Variants in MTMR8 observed in about 807,000 individuals in gnomAD.
MTMR8 encodes the protein myotubularin related protein 8.
MTMR8 carries 65 observed loss-of-function variants against 39.3 expected under a neutral mutation model. The ratio of observed to expected loss-of-function variants is 1.65; its 90% confidence interval spans 1.35 to 2.03. The LOEUF is 2.03. MTMR8 is among the 30% of genes most tolerant of loss of function. The pLI is 0.00. For missense variants in MTMR8, 777 were observed against 538.9 expected, an observed-to-expected ratio of 1.44 and a Z score of -4.37; for synonymous variants, 245 against 185.2, an observed-to-expected ratio of 1.32 and a Z score of -2.62.
intron 12 of MTMR8, among the ~76,000 whole-genome samples, chrX:64,297,511 T>C (rs1158500145): frequency 9.3e-5 from 8 of 86,065 alleles, no homozygotes; most frequent in African/African-American, 3.0e-4. Flanking sequence ...GTTGCGAAAA[T>C]TTTCTCCCAT....
chrX:64,276,825 C>T (rs1057085835), intron 12 of MTMR8, among the ~76,000 whole-genome samples: 9 of 109,471 alleles, frequency 8.2e-5, no homozygotes, highest in African/African-American at 3.0e-4. Context: ...GTTCAAGTCT[C>T]ATTGATCTAA....
chrX:64,302,207 C>G (rs1921910021), intron 12 of MTMR8, among the ~76,000 whole-genome samples: 1 of 112,572 alleles, frequency 8.9e-6, no homozygotes, highest in African/African-American at 3.2e-5. Flanking sequence ...GCTGTGCTAG[C>G]AATCAGCGAG....
intron 4 of MTMR8, 28 bp downstream of exon 4, chrX:64,354,749 A>G: frequency 8.6e-7 from 1 of 1,156,828 alleles, no homozygotes; most frequent in Non-Finnish European, 1.2e-6. Context: ...TAAATGCACC[A>G]AAAGGCAAAC....
chrX:64,388,872 T>A (rs952868275), intron 1 of MTMR8, among the ~76,000 whole-genome samples: 1 of 112,180 alleles, frequency 8.9e-6, no homozygotes, highest in Admixed American at 9.4e-5. Flanking sequence ...TAATATATTT[T>A]ACCTTAGAAT....
intron 12 of MTMR8, among the ~76,000 whole-genome samples, chrX:64,309,280 A>T (rs1922222142): frequency 8.9e-6 from 1 of 111,888 alleles, no homozygotes; most frequent in Non-Finnish European, 1.9e-5. Context: ...TGATTTCATC[A>T]GATTTTTATA....
At chrX:64,292,220 C>G (rs1290361184) in intron 12 of MTMR8, among the ~76,000 whole-genome samples, 1 of 111,931 alleles carries the variant, frequency 8.9e-6, no homozygotes, top group Non-Finnish European at 1.9e-5. Context: ...GCTAGTAGTC[C>G]TCTGCTATCA....
chrX:64,374,976 C>A (rs1924227098), intron 1 of MTMR8, among the ~76,000 whole-genome samples: 1 of 106,764 alleles, frequency 9.4e-6, no homozygotes, highest in Non-Finnish European at 1.9e-5. Flanking sequence ...GAGAGGGCAA[C>A]CCTGCCAACA....
At chrX:64,283,784 T>A (rs1304784947) in intron 12 of MTMR8, among the ~76,000 whole-genome samples, 1 of 112,240 alleles carries the variant, frequency 8.9e-6, no homozygotes, top group African/African-American at 3.2e-5. Context: ...AAAGGAAAAC[T>A]AACAAACAGA....
At position 64,391,302 on chromosome X, in the gene MTMR8, T is replaced by C. The variant is rs542686314; in HGVS notation, c.24+4038A>G. On this transcript the variant is annotated intron_variant, in intron 1 of 13. Coordinates refer to ENST00000374852, the MANE Select transcript of MTMR8 (RefSeq NM_017677.4). ...ATTCCTTAATGAGCTAGCAATTATT[T>C]ATGTGAAGGAGAGTCCAGAAAACAG... 1.0e-3 allele frequency among the ~76,000 whole-genome samples: 113 copies of C among 112,281 alleles called. 2 individuals carry two copies. In the South Asian group the frequency reaches 0.04, roughly 40 times the overall value.
At chrX:64,354,683 T>A in intron 4 of MTMR8, 94 bp downstream of exon 4, 2 of 871,938 alleles carry the variant, frequency 2.3e-6, no homozygotes, top group East Asian at 6.4e-5. Flanking sequence ...AGAGAGATTA[T>A]GAGTCATTTC....
intron 1 of MTMR8, among the ~76,000 whole-genome samples, chrX:64,370,142 C>T (rs187327709): frequency 1.5e-3 from 169 of 110,786 alleles, no homozygotes; most frequent in Admixed American, 4.2e-3. Flanking sequence ...TTGAGGAGCA[C>T]ATTATGAACT....
chrX:64,333,822 G>T (rs759814335), intron 10 of MTMR8, among the ~76,000 whole-genome samples: 4 of 111,778 alleles, frequency 3.6e-5, no homozygotes, highest in Non-Finnish European at 7.5e-5. Flanking sequence ...TATTGCCAAA[G>T]TCGATTCTTG....
intron 1 of MTMR8, among the ~76,000 whole-genome samples, chrX:64,369,593 A>C (rs1192593519): frequency 9.1e-6 from 1 of 110,217 alleles, no homozygotes; most frequent in Non-Finnish European, 1.9e-5. Context: ...TGCAGTGAGC[A>C]TCACACATGG....
chrX:64,364,655 A>G (rs1300876804), intron 1 of MTMR8, among the ~76,000 whole-genome samples: 1 of 112,029 alleles, frequency 8.9e-6, no homozygotes, highest in African/African-American at 3.2e-5. Context: ...AAAGATGGGG[A>G]GAAACCAGAG....
intron 12 of MTMR8, among the ~76,000 whole-genome samples, chrX:64,299,359 A>T (rs1182203292): frequency 2.0e-5 from 2 of 100,026 alleles, no homozygotes; most frequent in Non-Finnish European, 4.0e-5. Context: ...TTTCTAGTTT[A>T]TTTGCGTAGA....
At chrX:64,378,583 A>C (rs1924332461) in intron 1 of MTMR8, among the ~76,000 whole-genome samples, 1 of 112,173 alleles carries the variant, frequency 8.9e-6, no homozygotes, top group Non-Finnish European at 1.9e-5. Flanking sequence ...TGCAAGAAAA[A>C]TGTTTTTAAA....
At chrX:64,371,109 G>A (rs947716802) in intron 1 of MTMR8, among the ~76,000 whole-genome samples, 2 of 112,045 alleles carry the variant, frequency 1.8e-5, no homozygotes, top group African/African-American at 6.5e-5. Flanking sequence ...ATTGCACCAT[G>A]ACACTCCACA....
intron 1 of MTMR8, among the ~76,000 whole-genome samples, chrX:64,388,883 C>A (rs984680079): frequency 8.9e-6 from 1 of 111,902 alleles, no homozygotes; most frequent in African/African-American, 3.2e-5. Flanking sequence ...ACCTTAGAAT[C>A]ATTTTTTTAA....
intron 12 of MTMR8, among the ~76,000 whole-genome samples, chrX:64,280,056 A>C (rs1931968226): frequency 8.9e-6 from 1 of 112,294 alleles, no homozygotes; most frequent in African/African-American, 3.2e-5. Flanking sequence ...GCTGTAATAA[A>C]TAGCCTACCA....
Sources: gnomAD v4.1 joint callset for allele counts (sites outside exome capture counted in the v4.1 genomes callset) on GRCh38, gnomAD v4.1.1 for gene constraint, MANE v1.5 for transcripts, NCBI Gene and HGNC (gene_info 2026-07-23, HGNC 2026-07-21) for gene names.